Variants in RETREG2 observed in about 807,000 individuals in gnomAD.
RETREG2 encodes reticulophagy regulator family member 2, also known as reticulophagy regulator 2.
RETREG2 carries 21 observed loss-of-function variants against 51.6 expected under a neutral mutation model. The ratio of observed to expected loss-of-function variants is 0.41; its 90% confidence interval spans 0.29 to 0.59. The LOEUF (loss-of-function observed/expected upper bound fraction) is 0.59, where lower values mean the gene tolerates loss of function less well. RETREG2 is among the 20% of genes least tolerant of loss of function. The pLI is 0.34. For missense variants in RETREG2, 674 were observed against 646.0 expected (o/e 1.04, Z -0.47); for synonymous variants, 339 against 288.6 (o/e 1.17, Z -1.77).
At position 219,178,628 on chromosome 2, in the gene RETREG2, CT is replaced by C; in HGVS notation, c.278del (p.Phe93SerfsTer60). On this transcript the variant is annotated frameshift_variant, in exon 1 of 9. Coordinates refer to ENST00000430297, the MANE Select transcript of RETREG2 (RefSeq NM_024293.6). LOFTEE classifies it high-confidence loss of function. Reference protein sequence around the residue: ...LVTAAALNGLFWLLSSSSLRP... With the variant: ...LVTAAALNGLXWLLSSSSLRP... ...TCACGGCGGCCGCGCTCAACGGCCT[CT>C]TCTGGTAACGGCCGCGGAGGAGGGG... 6.9e-7 allele frequency: 1 copy of C among 1,448,860 alleles called. No homozygotes were observed. The highest frequency in any genetic ancestry group is 2.9e-5 in the East Asian group (1 of 35,074). 89.8% of individuals were successfully genotyped at this position (1,448,860 alleles called of 1,614,324 possible).
In RETREG2 at chr2:219,182,877, AG is replaced by A. The variant is rs1950303165; in HGVS notation, c.*251del. ...TGGGTTAGTGGATGTGAACAGGGCT[AG>A]GGAAGTCCTTCCCACAGCCTGCGCT... On this transcript the variant is annotated 3_prime_UTR_variant, in exon 9 of 9. Coordinates refer to ENST00000430297, the MANE Select transcript of RETREG2 (RefSeq NM_024293.6). The A allele has an allele frequency of 3.7e-6, 2 of 540,680 alleles. No individual in the cohort carries two copies. The highest frequency in any genetic ancestry group is 3.3e-6 in the Non-Finnish European group (1 of 301,126). 33.5% of individuals were successfully genotyped at this position (540,680 alleles called of 1,614,324 possible). A position where few individuals can be genotyped will look rare whatever the true frequency, so the allele number is the denominator to read the frequency against.
chr2:219,181,425 A>C lies in RETREG2; in HGVS notation c.841A>C (p.Ser281Arg). ...TGATGAGCCACTGGCAGAGACAGAGAGTGAAAGCGAGGCAGAGCTGGCTGG... is the reference window on the plus strand; with the variant it reads ...TGATGAGCCACTGGCAGAGACAGAGCGTGAAAGCGAGGCAGAGCTGGCTGG... ...GGDEPLAETE[S>R]ESEAELAGFS... Residue 281 changes from serine (S) to arginine (R), a missense_variant, in exon 7 of 9, where the codon AGT becomes CGT. Ser to Arg is a moderately radical substitution (Grantham distance 110, BLOSUM62 -1). Transcript: ENST00000430297. 5 of 1,614,102 alleles carry C rather than the reference A, an allele frequency of 3.1e-6. No individual in the cohort carries two copies. The highest frequency in any genetic ancestry group is 4.2e-6 in the Non-Finnish European group (5 of 1,179,996).
intron 4 of RETREG2, 59 bp from the exon 5 acceptor site, chr2:219,180,611 C>G (rs1336157852): frequency 5.6e-6 from 9 of 1,612,520 alleles, no homozygotes; most frequent in Non-Finnish European, 7.6e-6. Context: ...GTTTCTTACC[C>G]AGCCGAGCGG....
At position 219,184,441 on chromosome 2, in the gene RETREG2, C is replaced by T. The variant is rs1212224402; in HGVS notation, c.*1812C>T. On this transcript the variant is annotated 3_prime_UTR_variant, in exon 9 of 9. Transcript: ENST00000430297. Reference sequence around the variant, plus strand: ...GGTACCATATGGTAATGCTGCCTGTCTTTCTGAGGTTGACTTTTATGCCAT... The same window carrying T: ...GGTACCATATGGTAATGCTGCCTGTTTTTCTGAGGTTGACTTTTATGCCAT... 6.6e-6 allele frequency: 1 copy of T among 152,108 alleles called. No individual in the cohort carries two copies. Among genetic ancestry groups the T allele is most frequent in the Non-Finnish European group, 1.5e-5 (1 of 68,036 alleles). The allele number at this position is 152,108 out of a possible 1,614,324, so 9.4% of individuals were successfully genotyped here.
At position 219,178,506 on chromosome 2, in the gene RETREG2, C is replaced by T; in HGVS notation, c.154C>T (p.Leu52=). ...EAATAEAVGR[L]ATTLWLRLRG... is the part of the protein sequence containing the mutation. ...GGCCACGGCCGAGGCGGTGGGACGC[C>T]TGGCCACGACGCTGTGGCTGCGGCT... Residue 52 remains leucine, a synonymous_variant, in exon 1 of 9, where the codon CTG becomes TTG. Transcript: ENST00000430297. 2 of 1,372,360 alleles carry T rather than the reference C, an allele frequency of 1.5e-6. No homozygotes were observed. The highest frequency in any genetic ancestry group is 2.9e-5 in the East Asian group (1 of 34,302). The allele number at this position is 1,372,360 out of a possible 1,614,324, so 85.0% of individuals were successfully genotyped here.
chr2:219,180,819 A>G, intron 5 of RETREG2, 65 bp downstream of exon 5: 1 of 1,552,990 alleles, frequency 6.4e-7, no homozygotes, highest in Non-Finnish European at 8.9e-7. Flanking sequence ...GGACTGACCC[A>G]GAGGGAAGAC....
chr2:219,182,656 G>A lies in RETREG2; in HGVS notation c.*27G>A. On this transcript the variant is annotated 3_prime_UTR_variant, in exon 9 of 9. Coordinates refer to ENST00000430297, the MANE Select transcript of RETREG2 (RefSeq NM_024293.6). ...CCAGCCGTTGAGGAAGGAGCTGCAG[G>A]CACAGTAGGGCTTCCTGGCTAGGAG... 1 of 1,607,816 alleles carries A rather than the reference G, an allele frequency of 6.2e-7. No homozygotes were observed. The highest frequency in any genetic ancestry group is 8.5e-7 in the Non-Finnish European group (1 of 1,175,922).
At position 219,182,366 on chromosome 2, in the gene RETREG2, G is replaced by A. The variant is rs1466189227; in HGVS notation, c.1369G>A (p.Gly457Arg). The A allele has an allele frequency of 1.2e-6, 2 of 1,613,850 alleles. No individual in the cohort carries two copies. Among genetic ancestry groups the A allele is most frequent in the East Asian group, 2.2e-5 (1 of 44,868 alleles). The part of the protein sequence containing the change: ...GTLSPPLCLV[G>R]SDPAPSPSIL... ...CCTGTCACCTCCACTTTGCCTTGTT[G>A]GAAGTGACCCAGCCCCCTCCCCTTC... is the stretch of plus-strand genomic sequence containing the variant. The change falls in exon 9 of 9, where the codon GGA becomes AGA. Residue 457 changes from glycine to arginine, a missense_variant. By Grantham distance (125) the Gly-to-Arg change is moderately radical. Transcript: ENST00000430297.
rs554546263 is a variant in RETREG2, at chr2:219,183,641, C to G, written c.*1012C>G. 1 of 152,298 alleles carries G rather than the reference C, an allele frequency of 6.6e-6. No individual in the cohort carries two copies. The highest frequency in any genetic ancestry group is 2.1e-4 in the South Asian group (1 of 4,832). The allele number at this position is 152,298 out of a possible 1,614,324, so 9.4% of individuals were successfully genotyped here. A position where few individuals can be genotyped will look rare whatever the true frequency, so the allele number is the denominator to read the frequency against. ...CGAAGCAAGGATTACCTTGACAACC[C>G]TAGCTTCTCCTTAGCCATCTTCCTT... is the stretch of plus-strand genomic sequence containing the variant. On this transcript the variant is annotated 3_prime_UTR_variant, in exon 9 of 9. Transcript: ENST00000430297.
At chr2:219,179,070 C>A (rs1194988309) in intron 2 of RETREG2, 42 bp downstream of exon 2, 3 of 1,436,676 alleles carry the variant, frequency 2.1e-6, no homozygotes, top group East Asian at 2.3e-5. Context: ...TGGGTACTTG[C>A]TTGGTGCCTG....
chr2:219,180,647 T>TA (rs1292921559), intron 4 of RETREG2, 23 bp from the exon 5 acceptor site: 3 of 1,614,070 alleles, frequency 1.9e-6, no homozygotes, highest in Non-Finnish European at 2.5e-6. Flanking sequence ...GTGATGTTCT[T>TA]AGACTTTTGC....
chr2:219,179,142 A>G (rs1559219920), intron 2 of RETREG2, 114 bp downstream of exon 2: 3 of 796,296 alleles, frequency 3.8e-6, no homozygotes, highest in African/African-American at 3.4e-5. Flanking sequence ...CCTCCCAGGC[A>G]TGGCCCACTT....
intron 6 of RETREG2, 35 bp downstream of exon 6, chr2:219,181,240 G>GC (rs773139054): frequency 1.2e-6 from 2 of 1,613,018 alleles, no homozygotes; most frequent in Non-Finnish European, 1.7e-6. Flanking sequence ...GGGTGAAAGA[G>GC]CGGGAGGGCC....
chr2:219,185,323 G>C lies in RETREG2; in HGVS notation c.*2694G>C, dbSNP rs1216777754. 2 of 152,182 alleles carry C rather than the reference G, an allele frequency of 1.3e-5. No homozygotes were observed. Among genetic ancestry groups the C allele is most frequent in the African/African-American group, 4.8e-5 (2 of 41,440 alleles). The allele number at this position is 152,182 out of a possible 1,614,324, so 9.4% of individuals were successfully genotyped here. ...GGCTAAACAAAAATCAACTGGAAAA[G>C]TACAGGCTGAGGGGAGAAGAGTTGG... is the stretch of plus-strand genomic sequence containing the variant. On this transcript the variant is annotated 3_prime_UTR_variant, in exon 9 of 9. Transcript: ENST00000430297.
intron 2 of RETREG2, 100 bp downstream of exon 2, chr2:219,179,128 C>G: frequency 1.1e-6 from 1 of 877,548 alleles, no homozygotes; most frequent in South Asian, 1.3e-5. Flanking sequence ...CAGCAGGCCA[C>G]CTGCCTCCCA....
rs891067439 is a variant in RETREG2 at position 219,182,711 on chromosome 2, C to T, written c.*82C>T. ...GCTGTTTCCTCCTTTGCCTACCACTCTGGGGTGGGGCAGTGTGTGGGGAAG... is the reference window on the plus strand; with the variant it reads ...GCTGTTTCCTCCTTTGCCTACCACTTTGGGGTGGGGCAGTGTGTGGGGAAG... On this transcript the variant is annotated 3_prime_UTR_variant, in exon 9 of 9. Coordinates refer to ENST00000430297, the MANE Select transcript of RETREG2 (RefSeq NM_024293.6). 22 of 1,520,932 alleles carry T rather than the reference C, an allele frequency of 1.4e-5. No homozygotes were observed. Among genetic ancestry groups the T allele is most frequent in the African/African-American group, 9.6e-5 (7 of 73,060 alleles). 94.2% of individuals were successfully genotyped at this position (1,520,932 alleles called of 1,614,324 possible). A position where few individuals can be genotyped will look rare whatever the true frequency, so the allele number is the denominator to read the frequency against.
chr2:219,181,923 T>C (rs896489259), intron 8 of RETREG2, 90 bp from the exon 9 acceptor site: 48 of 1,562,836 alleles, frequency 3.1e-5, no homozygotes, highest in Non-Finnish European at 4.0e-5. Flanking sequence ...CAGCTTTCCA[T>C]GTCTTGAGTT....
Position 219,178,988 on chromosome 2 carries a change from G to A in RETREG2, c.348G>A (p.Leu116=). 6.2e-7 allele frequency: 1 copy of A among 1,614,010 alleles called. No homozygotes were observed. Among genetic ancestry groups the A allele is most frequent in the Non-Finnish European group, 8.5e-7 (1 of 1,179,966 alleles). ...GCGTCTCACTTTTGGCCTATTTTCTGCTGGATCTCTGGCAGCCTCGCTTTC... is the reference window on the plus strand; with the variant it reads ...GCGTCTCACTTTTGGCCTATTTTCTACTGGATCTCTGGCAGCCTCGCTTTC... ...LLSVSLLAYF[L]LDLWQPRFLP... The change falls in exon 2 of 9, where the codon CTG becomes CTA. Residue 116 remains leucine, a synonymous_variant. Coordinates refer to ENST00000430297, the MANE Select transcript of RETREG2 (RefSeq NM_024293.6).
At position 219,179,853 on chromosome 2, in the gene RETREG2, G is replaced by A. The variant is rs1204135745; in HGVS notation, c.419+90G>A. The A allele has an allele frequency of 2.1e-6, 3 of 1,409,352 alleles. No individual in the cohort carries two copies. In the East Asian group the frequency reaches 6.8e-5, roughly 32 times the overall value. The allele number at this position is 1,409,352 out of a possible 1,614,324, so 87.3% of individuals were successfully genotyped here. ...CACCATGGAGCAGGGCAGTGCCCCA[G>A]CATTGTGAATGAACTGGTAACAAGC... On this transcript the variant is annotated intron_variant, in intron 3 of 8. Transcript: ENST00000430297.
Sources: gnomAD v4.1 joint callset for allele counts on GRCh38, gnomAD v4.1.1 for gene constraint, MANE v1.5 for transcripts, NCBI Gene and HGNC (gene_info 2026-07-23, HGNC 2026-07-21) for gene names.